The following ZSCAN5A variants were observed in gnomAD, a reference collection of about 807,000 sequenced individuals.
ZSCAN5A encodes the protein zinc finger and SCAN domain containing 5A.
In ZSCAN5A, 12 loss-of-function variants were observed where a neutral mutation model predicts 23.7. That is an observed-to-expected ratio of 0.51 (90% CI 0.32 to 0.82). The LOEUF (loss-of-function observed/expected upper bound fraction) is 0.82, where lower values mean the gene tolerates loss of function less well. Among genes scored for constraint, ZSCAN5A ranks in the 40% least tolerant of loss-of-function variants. The probability of loss-of-function intolerance (pLI) is 0.03; values close to 1 mark genes in which losing one functional copy is unlikely to be tolerated. For synonymous variants in ZSCAN5A, 257 were observed against 239.9 expected, an observed-to-expected ratio of 1.07 and a Z score of -0.66; for missense variants, 597 against 617.9, an observed-to-expected ratio of 0.97 and a Z score of 0.36.
At chr19:56,338,021 G>C (rs2041557172) in intron 2 of ZSCAN5A, among the ~76,000 whole-genome samples, 1 of 152,190 alleles carries the variant, frequency 6.6e-6, no homozygotes, top group Non-Finnish European at 1.5e-5. Context: ...TCCTGGAAGA[G>C]GGGAGAGTAT....
rs1463923285 is a variant in ZSCAN5A at position 56,223,814 on chromosome 19, T to G, written c.405A>C (p.Gly135=). The part of the protein sequence containing the change: ...PKKWSVVTFH[G]KEYIVQDSDI... ...CTGAGTCCTGCACAATATATTCCTT[T>G]CCGTGGAAGGTGACCACAGACTGTA... The change falls in exon 4 of 6, where the codon GGA becomes GGC. Residue 135 remains glycine, a synonymous_variant. Coordinates refer to ENST00000683990, the MANE Select transcript of ZSCAN5A (RefSeq NM_001322064.3). 2 of 1,612,182 alleles carry G rather than the reference T, an allele frequency of 1.2e-6. No homozygotes were observed. Among genetic ancestry groups the G allele is most frequent in the East Asian group, 4.5e-5 (2 of 44,822 alleles).
At chr19:56,333,801 G>C (rs4801707) in intron 2 of ZSCAN5A, among the ~76,000 whole-genome samples, 100,983 of 151,770 alleles carry the variant, frequency 0.67, 35,747 homozygotes, top group African/African-American at 0.92. Context: ...AAAGATGGTA[G>C]CAAACATACT....
At chr19:56,284,900 A>T (rs2038990463) in intron 2 of ZSCAN5A, 3 of 492,236 alleles carry the variant, frequency 6.1e-6, no homozygotes, top group Non-Finnish European at 7.9e-6. Flanking sequence ...CTTCCTGAAG[A>T]AGAGTTTGTT....
chr19:56,330,587 G>C (rs747508778), intron 2 of ZSCAN5A, among the ~76,000 whole-genome samples: 19 of 152,112 alleles, frequency 1.2e-4, no homozygotes, highest in Non-Finnish European at 2.5e-4. Context: ...CTGACGACTA[G>C]TAAAGTTAAG....
intron 2 of ZSCAN5A, among the ~76,000 whole-genome samples, chr19:56,273,720 G>A (rs1255969153): frequency 5.3e-5 from 8 of 152,154 alleles, no homozygotes; most frequent in Admixed American, 2.6e-4. Flanking sequence ...ATGGTGGTGA[G>A]ACTGTTACAA....
intron 2 of ZSCAN5A, among the ~76,000 whole-genome samples, chr19:56,333,487 C>G (rs1162303752): frequency 6.6e-6 from 1 of 151,776 alleles, no homozygotes; most frequent in African/African-American, 2.4e-5. Flanking sequence ...CTTTTCAATA[C>G]CAGAAGCTCT....
chr19:56,360,843 T>A (rs964247536), intron 2 of ZSCAN5A, among the ~76,000 whole-genome samples: 1 of 152,004 alleles, frequency 6.6e-6, no homozygotes, highest in Non-Finnish European at 1.5e-5. Context: ...ACAACTAAGA[T>A]CTAATTAAAC....
rs189584595 is a variant in ZSCAN5A at position 56,362,736 on chromosome 19, T to C, written c.-358+499A>G. Among the ~76,000 whole-genome samples the C allele has an allele frequency of 6.0e-5, 9 of 151,222 alleles. No homozygotes were observed. The South Asian group carries it at 8.4e-4, about 14-fold the overall frequency. On this transcript the variant is annotated intron_variant, in intron 2 of 6. Transcript: ENST00000587340. ...ATACAAAAAAATTAGCCAGGTATAGTGGCAGGCACCTGTAGTCTCAGCTAC... is the reference window on the plus strand; with the variant it reads ...ATACAAAAAAATTAGCCAGGTATAGCGGCAGGCACCTGTAGTCTCAGCTAC...
chr19:56,359,325 T>C (rs879785973), intron 2 of ZSCAN5A, among the ~76,000 whole-genome samples: 5 of 152,072 alleles, frequency 3.3e-5, no homozygotes, highest in Non-Finnish European at 7.4e-5. Flanking sequence ...TCAGAAACTC[T>C]AGAATAAATG....
At chr19:56,317,454 G>A (rs117162534), upstream of ZSCAN5A, 251 of 152,360 alleles carry the variant, frequency 1.6e-3, 2 homozygotes, top group East Asian at 0.031. Flanking sequence ...AGGCAGTGAC[G>A]GAGCCCTCAT....
chr19:56,340,416 G>A (rs565687128), intron 2 of ZSCAN5A, among the ~76,000 whole-genome samples: 11 of 152,288 alleles, frequency 7.2e-5, no homozygotes, highest in Non-Finnish European at 1.3e-4. Flanking sequence ...CCAGGAGAAC[G>A]AAGTTCAAAA....
At chr19:56,291,316 A>T (rs2039492537) in intron 2 of ZSCAN5A, among the ~76,000 whole-genome samples, 1 of 152,150 alleles carries the variant, frequency 6.6e-6, no homozygotes, top group Non-Finnish European at 1.5e-5. Flanking sequence ...TAATCTCTGG[A>T]AGATGAATCC....
At chr19:56,247,671 T>C (rs2036027288) in intron 2 of ZSCAN5A, among the ~76,000 whole-genome samples, 1 of 147,116 alleles carries the variant, frequency 6.8e-6, no homozygotes, top group Admixed American at 6.9e-5. Flanking sequence ...CAGGTTTATG[T>C]GGGTGTGTGT....
At chr19:56,297,061 C>A (rs2039921389) in intron 2 of ZSCAN5A, among the ~76,000 whole-genome samples, 1 of 139,672 alleles carries the variant, frequency 7.2e-6, no homozygotes, top group African/African-American at 2.6e-5. Flanking sequence ...AAGAGCAAAA[C>A]TCTGTCTCAA....
intron 2 of ZSCAN5A, among the ~76,000 whole-genome samples, chr19:56,313,031 G>C (rs2147389186): frequency 6.6e-6 from 1 of 152,318 alleles, no homozygotes. Context: ...CCCATCTCCA[G>C]ACATTCTGAC....
chr19:56,346,588 G>T (rs7256716), intron 2 of ZSCAN5A, among the ~76,000 whole-genome samples: 1 of 151,976 alleles, frequency 6.6e-6, no homozygotes, highest in South Asian at 2.1e-4. Flanking sequence ...ATAAACTTTA[G>T]ATATCAACGG....
At chr19:56,274,077 T>C (rs892273048) in intron 2 of ZSCAN5A, among the ~76,000 whole-genome samples, 3 of 152,168 alleles carry the variant, frequency 2.0e-5, no homozygotes, top group African/African-American at 7.2e-5. Flanking sequence ...TGGTTGGGGA[T>C]AGAGAAGCAT....
chr19:56,234,151 G>A (rs873732), intron 2 of ZSCAN5A, among the ~76,000 whole-genome samples: 28,168 of 152,178 alleles, frequency 0.19, 3,092 homozygotes, highest in East Asian at 0.49. Context: ...GAATGAGGCA[G>A]AGAAATTGGT....
At chr19:56,233,033 C>G (rs1368034901) in intron 2 of ZSCAN5A, among the ~76,000 whole-genome samples, 1 of 152,164 alleles carries the variant, frequency 6.6e-6, no homozygotes, top group Non-Finnish European at 1.5e-5. Flanking sequence ...AAACAGAAGT[C>G]AGAAAGCTAC....
Sources: gnomAD v4.1 joint callset for allele counts (sites outside exome capture counted in the v4.1 genomes callset) on GRCh38, gnomAD v4.1.1 for gene constraint, MANE v1.5 for transcripts, NCBI Gene and HGNC (gene_info 2026-07-23, HGNC 2026-07-21) for gene names.